Variants in NRXN2 observed in about 807,000 individuals in gnomAD.
NRXN2 encodes the protein neurexin 2, also known as neurexin-2-beta.
In NRXN2, 29 loss-of-function variants were observed where a neutral mutation model predicts 128.8. The observed-to-expected ratio is 0.23, with a 90% CI of 0.17 to 0.31. The LOEUF (loss-of-function observed/expected upper bound fraction) is 0.31. Ranked by LOEUF, NRXN2 falls within the 10% of genes least tolerant of loss-of-function variation. The pLI is 1.00. For synonymous variants in NRXN2, 1,098 were observed against 1,075.2 expected (o/e 1.02, Z -0.41); for missense variants, 1,881 against 2,452.6 (o/e 0.77, Z 4.92).
chr11:64,717,071 C>T (rs1044999807), intron 1 of NRXN2, among the ~76,000 whole-genome samples: 1 of 152,100 alleles, frequency 6.6e-6, no homozygotes, highest in Admixed American at 6.5e-5. Flanking sequence ...TAGCAGCAAC[C>T]CTTTCTCCAG....
chr11:64,644,622 T>G (rs1295616994), intron 17 of NRXN2, among the ~76,000 whole-genome samples: 1 of 152,044 alleles, frequency 6.6e-6, no homozygotes, highest in Non-Finnish European at 1.5e-5. Context: ...CCGGGTCGTA[T>G]GCACCAACCT....
At chr11:64,613,729 T>C (rs1326789996) in intron 22 of NRXN2, among the ~76,000 whole-genome samples, 1 of 152,194 alleles carries the variant, frequency 6.6e-6, no homozygotes, top group Non-Finnish European at 1.5e-5. Flanking sequence ...GGCTTATCTG[T>C]TACAGAAACA....
chr11:64,699,567 C>T (rs959937342), intron 2 of NRXN2, among the ~76,000 whole-genome samples: 1 of 151,390 alleles, frequency 6.6e-6, no homozygotes, highest in Non-Finnish European at 1.5e-5. Context: ...CATGCGCTAC[C>T]ACACCCGGCT....
chr11:64,629,060 G>C (rs1471654212), intron 19 of NRXN2, among the ~76,000 whole-genome samples: 5 of 152,162 alleles, frequency 3.3e-5, no homozygotes, highest in African/African-American at 1.2e-4. Context: ...TGCGTAATTG[G>C]TGTCATAAGC....
intron 2 of NRXN2, among the ~76,000 whole-genome samples, chr11:64,700,944 T>C (rs2055257362): frequency 6.6e-6 from 1 of 152,172 alleles, no homozygotes; most frequent in Non-Finnish European, 1.5e-5. Context: ...ACCTGCTCCT[T>C]TTGTCAGGCC....
chr11:64,619,028 G>A (rs1331555676), intron 22 of NRXN2, among the ~76,000 whole-genome samples: 1 of 152,072 alleles, frequency 6.6e-6, no homozygotes, highest in Non-Finnish European at 1.5e-5. Flanking sequence ...TTCCAAGGTC[G>A]TGGCCCACCC....
intron 17 of NRXN2, among the ~76,000 whole-genome samples, chr11:64,647,574 G>A (rs7127422): frequency 0.017 from 2,643 of 152,216 alleles, 75 homozygotes; most frequent in African/African-American, 0.06. Context: ...GTCCAGCCTA[G>A]GAGGAAAAGA....
chr11:64,718,417 C>T (rs912929484), intron 1 of NRXN2, among the ~76,000 whole-genome samples: 4 of 152,166 alleles, frequency 2.6e-5, no homozygotes, highest in Non-Finnish European at 4.4e-5. Flanking sequence ...CTCCTCCAGG[C>T]GCCAGGGAGG....
intron 3 of NRXN2, among the ~76,000 whole-genome samples, chr11:64,696,956 A>G (rs762314983): frequency 9.2e-5 from 14 of 152,224 alleles, no homozygotes; most frequent in Non-Finnish European, 1.6e-4. Flanking sequence ...GATTCAGAGA[A>G]TGACAGAAAC....
Position 64,635,526 on chromosome 11 carries a change from G to C in NRXN2, c.3404-74C>G. The C allele has an allele frequency of 6.6e-7, 1 of 1,511,570 alleles. No homozygotes were observed. The highest frequency in any genetic ancestry group is 9.1e-7 in the Non-Finnish European group (1 of 1,102,376). The allele number at this position is 1,511,570 out of a possible 1,614,324, so 93.6% of individuals were successfully genotyped here. ...GAGGTCAGCAGGTCCTCAGGGTTGT[G>C]ACCAGAGGGATGGAACCCCAGGTCT... On this transcript the variant is annotated intron_variant, in intron 17 of 22. Transcript: ENST00000265459. The surrounding 1 kb of genome is among the most constrained non-coding windows in gnomAD (Gnocchi z 4.8).
intron 9 of NRXN2, among the ~76,000 whole-genome samples, chr11:64,663,632 C>T (rs2135496095): frequency 6.6e-6 from 1 of 152,236 alleles, no homozygotes; most frequent in South Asian, 2.1e-4. Flanking sequence ...TTACACGACT[C>T]AACCAGACTC....
At chr11:64,692,787 A>AAATCCAGGCGCAGGTTGGGGGC in intron 4 of NRXN2, 60 bp downstream of exon 4, 2 of 1,605,268 alleles carry the variant, frequency 1.2e-6, no homozygotes, top group Non-Finnish European at 1.7e-6. Context: ...GAAGAACAGA[A>AAATCCAGGCGCAGGTTGGGGGC]AATCCAGGCG....
intron 5 of NRXN2, among the ~76,000 whole-genome samples, chr11:64,689,199 G>T (rs1333182437): frequency 6.6e-6 from 1 of 151,744 alleles, no homozygotes; most frequent in South Asian, 2.1e-4. Context: ...GTAACTTTCT[G>T]CTAGTGTCCT....
intron 4 of NRXN2, among the ~76,000 whole-genome samples, 162 bp downstream of exon 4, chr11:64,692,685 A>G (rs1161108955): frequency 6.6e-6 from 1 of 151,750 alleles, no homozygotes; most frequent in African/African-American, 2.4e-5. Flanking sequence ...CCCCCCAAAT[A>G]AAATTAAGAA....
intron 5 of NRXN2, chr11:64,688,234 T>C (rs1232348742): frequency 1.1e-6 from 1 of 946,676 alleles, no homozygotes; most frequent in Admixed American, 6.2e-5. Context: ...TCTCCTGGGG[T>C]GGGTGGCAAA....
At position 64,651,060 on chromosome 11, in the gene NRXN2, A is replaced by G. The variant is rs181700005; in HGVS notation, c.2918+195T>C. Among the ~76,000 whole-genome samples, 1 of 152,296 alleles carries G rather than the reference A, an allele frequency of 6.6e-6. No individual in the cohort carries two copies. The highest frequency in any genetic ancestry group is 1.9e-4 in the East Asian group (1 of 5,176). ...AACTCTGGCAAGGAAGCAGCTGGGG[A>G]GTCAGCAGTGGAAGAGGGTGTGCTT... On this transcript the variant is annotated intron_variant, in intron 14 of 22. Transcript: ENST00000265459. This position sits in a 1 kb window ranked among gnomAD's most constrained non-coding sequence, Gnocchi z 5.9.
At chr11:64,702,053 G>T (rs1290122016) in intron 2 of NRXN2, among the ~76,000 whole-genome samples, 4 of 149,658 alleles carry the variant, frequency 2.7e-5, no homozygotes, top group Non-Finnish European at 6.0e-5. Flanking sequence ...GAGGTGAGGG[G>T]TGCCTCTGCC....
chr11:64,693,601 G>A (rs976388507), intron 3 of NRXN2, among the ~76,000 whole-genome samples: 1 of 152,178 alleles, frequency 6.6e-6, no homozygotes, highest in Non-Finnish European at 1.5e-5. Flanking sequence ...AAGGACACCT[G>A]TTGGGTTCTA....
At chr11:64,674,630 G>A (rs527805265) in intron 7 of NRXN2, among the ~76,000 whole-genome samples, 3 of 152,234 alleles carry the variant, frequency 2.0e-5, no homozygotes, top group African/African-American at 7.2e-5. Flanking sequence ...AGCATTCTAG[G>A]GTTTCATACA....
Sources: allele counts gnomAD v4.1 joint callset (sites outside exome capture counted in the v4.1 genomes callset), GRCh38; gene constraint gnomAD v4.1.1; non-coding constraint Gnocchi (gnomAD v3.1); transcripts MANE v1.5; gene names NCBI Gene and HGNC (gene_info 2026-07-23, HGNC 2026-07-21).